LAMA1: variants seen among roughly 807,000 people sequenced by gnomAD.
The protein encoded by LAMA1 is laminin subunit alpha 1, also known as laminin subunit alpha-1.
Under a neutral mutation model 348.7 loss-of-function variants are expected in LAMA1, and 219 were observed. That is an observed-to-expected ratio of 0.63 (90% CI 0.56 to 0.70). The LOEUF is 0.70. LAMA1 is among the 30% of genes least tolerant of loss of function. The pLI is 0.00. For synonymous variants in LAMA1, 1,487 were observed against 1,491.0 expected, an observed-to-expected ratio of 1.00 and a Z score of 0.06; for missense variants, 3,744 against 3,888.0, an observed-to-expected ratio of 0.96 and a Z score of 0.99.
In LAMA1 at chr18:6,983,160, A is replaced by C. The variant is rs1425697176; in HGVS notation, c.5735T>G (p.Leu1912Arg). 6.2e-7 allele frequency: 1 copy of C among 1,614,048 alleles called. No individual in the cohort carries two copies. The highest frequency in any genetic ancestry group is 1.3e-5 in the African/African-American group (1 of 74,926). Residue 1912 changes from leucine (L) to arginine (R), a missense_variant, in exon 40 of 63, where the codon CTG becomes CGG. Physicochemically the swap from Leu to Arg is moderately radical, Grantham distance 102. Around this residue, in one of 3 missense-constraint regions of LAMA1, gnomAD observed 1,983 missense variants for 1,934.3 expected, o/e 1.03. Coordinates refer to ENST00000389658, the MANE Select transcript of LAMA1 (RefSeq NM_005559.4). Reference protein sequence around the residue: ...AAYVHYNIQSLIEESEELARD... With the variant: ...AAYVHYNIQSRIEESEELARD... ...GGCCAGTTCCTCCGATTCTTCAATCAGGCTCTGGATGTTGTAATGGACATA... is the reference window on the plus strand; with the variant it reads ...GGCCAGTTCCTCCGATTCTTCAATCCGGCTCTGGATGTTGTAATGGACATA...
At chr18:6,973,280 C>A in intron 46 of LAMA1, 73 bp from the exon 47 acceptor site, 1 of 1,402,166 alleles carries the variant, frequency 7.1e-7, no homozygotes, top group South Asian at 1.2e-5. Flanking sequence ...CCGTTTCCTT[C>A]ACACCCACCA....
chr18:6,974,840 T>C lies in LAMA1; in HGVS notation c.6623+63A>G, dbSNP rs114092388. 1.2e-3 allele frequency: 1,877 copies of C among 1,590,948 alleles called. 18 individuals are homozygous for C. The African/African-American group carries it at 0.022, about 19-fold the overall frequency. On this transcript the variant is annotated intron_variant, in intron 46 of 62. Coordinates refer to ENST00000389658, the MANE Select transcript of LAMA1 (RefSeq NM_005559.4). ...AGCCTATTATATGATGTTACAAGCA[T>C]GTAATTACTTATGAGACACACTTTA... is the stretch of plus-strand genomic sequence containing the variant.
chr18:6,968,716 C>T (rs1299738239), intron 48 of LAMA1, among the ~76,000 whole-genome samples: 1 of 152,172 alleles, frequency 6.6e-6, no homozygotes, highest in Admixed American at 6.5e-5. Flanking sequence ...GAGAATATAA[C>T]AGACTGCTCA....
intron 1 of LAMA1, among the ~76,000 whole-genome samples, chr18:7,095,209 T>TCC (rs1568065881): frequency 2.6e-5 from 4 of 152,102 alleles, no homozygotes; most frequent in African/African-American, 9.6e-5. Flanking sequence ...TTTCCTAAGT[T>TCC]CTTCCCTATA....
rs527473110 is a variant in LAMA1, at chr18:6,948,471, G to A, written c.8642C>T (p.Thr2881Met). 11 of 1,614,178 alleles carry A rather than the reference G, an allele frequency of 6.8e-6. No homozygotes were observed. Among genetic ancestry groups the A allele is most frequent in the African/African-American group, 1.3e-5 (1 of 75,038 alleles). The change falls in exon 60 of 63, where the codon ACG (threonine) becomes ATG (methionine). Residue 2881 changes from threonine to methionine, a missense_variant. Physicochemically the swap from Thr to Met is moderately conservative, Grantham distance 81 (BLOSUM62 -1). Around this residue, in one of 3 missense-constraint regions of LAMA1, gnomAD observed 232 missense variants for 264.4 expected, o/e 0.88. Transcript: ENST00000389658. Reference sequence around the variant, plus strand: ...GGCCACTGCGTAGCACCTGTTCACCGTGAAGGCAGACACCGGGCTGTCCTT... The same window carrying A: ...GGCCACTGCGTAGCACCTGTTCACCATGAAGGCAGACACCGGGCTGTCCTT... ...LDKDSPVSAFTVNRCYAVAQE... is the reference protein window; with the variant it reads ...LDKDSPVSAFMVNRCYAVAQE...
chr18:7,098,093 C>T (rs145163132), intron 1 of LAMA1, among the ~76,000 whole-genome samples: 4 of 150,076 alleles, frequency 2.7e-5, no homozygotes, highest in Admixed American at 6.7e-5. Flanking sequence ...GCAAGTAATC[C>T]GCCAGCCTCA....
chr18:7,032,930 G>A (rs1356419884), intron 15 of LAMA1, 54 bp downstream of exon 15: 1 of 1,344,638 alleles, frequency 7.4e-7, no homozygotes, highest in Non-Finnish European at 1.0e-6. Context: ...TCAGTGCACT[G>A]TTTTCCCCTT....
chr18:6,987,776 C>G (rs551686378), intron 36 of LAMA1, among the ~76,000 whole-genome samples: 73 of 152,190 alleles, frequency 4.8e-4, no homozygotes, highest in African/African-American at 1.5e-3. Context: ...AGAATAACAT[C>G]GGCACTTATA....
chr18:6,994,435 T>C (rs2144077919), intron 34 of LAMA1, among the ~76,000 whole-genome samples: 1 of 152,310 alleles, frequency 6.6e-6, no homozygotes, highest in Middle Eastern at 3.4e-3. Context: ...TGTTTTCTAG[T>C]CAAGACCAAA....
chr18:6,980,961 G>C, intron 41 of LAMA1, among the ~76,000 whole-genome samples: 1 of 152,114 alleles, frequency 6.6e-6, no homozygotes, highest in South Asian at 2.1e-4. Context: ...ACATTAGCCA[G>C]ACGTGGTGGT....
chr18:7,099,336 G>T (rs28759230), intron 1 of LAMA1, among the ~76,000 whole-genome samples: 6,469 of 151,302 alleles, frequency 0.043, 455 homozygotes, highest in African/African-American at 0.15. Context: ...ACTGCGGAAG[G>T]CCGCAGGGTC....
chr18:7,112,248 G>T (rs2058338657), intron 1 of LAMA1, among the ~76,000 whole-genome samples: 1 of 152,088 alleles, frequency 6.6e-6, no homozygotes, highest in Admixed American at 6.6e-5. Flanking sequence ...AAGTTGCAAG[G>T]TGAAAAGTTT....
At chr18:7,015,510 C>T (rs1052155722) in intron 22 of LAMA1, among the ~76,000 whole-genome samples, 1 of 150,874 alleles carries the variant, frequency 6.6e-6, no homozygotes, top group Admixed American at 6.6e-5. Context: ...GAATTCCTGG[C>T]TTCAAACGAT....
chr18:7,033,886 C>T (rs1286938259), intron 14 of LAMA1, among the ~76,000 whole-genome samples: 2 of 152,054 alleles, frequency 1.3e-5, no homozygotes, highest in South Asian at 2.1e-4. Flanking sequence ...AGGCATGCGC[C>T]ACCATGCCTG....
chr18:6,950,693 G>A lies in LAMA1; in HGVS notation c.8397+89C>T, dbSNP rs2057542439. On this transcript the variant is annotated intron_variant, in intron 58 of 62. Coordinates refer to ENST00000389658, the MANE Select transcript of LAMA1 (RefSeq NM_005559.4). The stretch of plus-strand genomic sequence containing the variant: ...ACACGGCGAGATAGAGATTAATGGG[G>A]ATAATGTGCCTTTGAGAAATGGAGT... 2.8e-6 allele frequency: 4 copies of A among 1,403,768 alleles called. 1 individual carries two copies. The Middle Eastern group carries it at 7.2e-4, about 254-fold the overall frequency. The allele number at this position is 1,403,768 out of a possible 1,614,324, so 87.0% of individuals were successfully genotyped here.
At chr18:7,058,969 A>C (rs2058092771) in intron 3 of LAMA1, among the ~76,000 whole-genome samples, 1 of 152,174 alleles carries the variant, frequency 6.6e-6, no homozygotes, top group South Asian at 2.1e-4. Flanking sequence ...GACTCACTGC[A>C]ACCTCTGCCT....
chr18:6,964,889 C>T (rs2057625569), intron 50 of LAMA1, 86 bp from the exon 51 acceptor site: 16 of 1,452,194 alleles, frequency 1.1e-5, no homozygotes, highest in Admixed American at 9.0e-5. Flanking sequence ...CAACAAAGCT[C>T]ATTTACAAAT....
At chr18:7,095,267 C>A (rs2058256587) in intron 1 of LAMA1, among the ~76,000 whole-genome samples, 1 of 152,032 alleles carries the variant, frequency 6.6e-6, no homozygotes, top group Non-Finnish European at 1.5e-5. Context: ...TATGTCCACA[C>A]TTTGGTAATG....
In LAMA1 at chr18:6,947,313, G is replaced by C. The variant is rs766543425; in HGVS notation, c.8711-17C>G. 13 of 1,613,164 alleles carry C rather than the reference G, an allele frequency of 8.1e-6. No individual in the cohort carries two copies. The South Asian group carries it at 9.9e-5, about 12-fold the overall frequency. ...CCTCTTTGACTGTAACACACAAGGA[G>C]GACCCAAGTCAGGGTGAGCGCTGCC... On this transcript the variant is annotated splice_polypyrimidine_tract_variant and intron_variant, in intron 60 of 62. Transcript: ENST00000389658.
Sources: allele counts gnomAD v4.1 joint callset (sites outside exome capture counted in the v4.1 genomes callset), GRCh38; gene constraint gnomAD v4.1.1; regional missense constraint gnomAD v4.1.1; transcripts MANE v1.5; gene names NCBI Gene and HGNC (gene_info 2026-07-23, HGNC 2026-07-21).